Variants in SCRN1 observed in about 807,000 individuals in gnomAD.
SCRN1 encodes secernin 1.
Under a neutral mutation model 43.3 loss-of-function variants are expected in SCRN1, and 19 were observed. That is an observed-to-expected ratio of 0.44 (90% confidence interval 0.31 to 0.64). The LOEUF (loss-of-function observed/expected upper bound fraction) is 0.64. SCRN1 is among the 30% of genes least tolerant of loss of function. SCRN1 has a pLI of 0.09. For missense variants in SCRN1, 447 were observed against 524.1 expected (o/e 0.85, Z 1.44); for synonymous variants, 183 against 188.9 (o/e 0.97, Z 0.26).
At position 29,920,958 on chromosome 7, in the gene SCRN1, C is replaced by T. The variant is rs1289565472; in HGVS notation, c.*2999G>A. ...CCTCCATAATTTCGATTATATTCTA[C>T]CTAAAATTTCAAAGCACCTCCAAGA... On this transcript the variant is annotated 3_prime_UTR_variant, in exon 8 of 8. Coordinates refer to ENST00000242059, the MANE Select transcript of SCRN1 (RefSeq NM_014766.5). The T allele has an allele frequency of 6.6e-6, 1 of 152,516 alleles. No individual in the cohort carries two copies. The highest frequency in any genetic ancestry group is 1.5e-5 in the Non-Finnish European group (1 of 68,034). The allele number at this position is 152,516 out of a possible 1,614,324, so 9.4% of individuals were successfully genotyped here. A position where few individuals can be genotyped will look rare whatever the true frequency, so the allele number is the denominator to read the frequency against.
intron 1 of SCRN1, among the ~76,000 whole-genome samples, chr7:29,986,105 G>T (rs1024483622): frequency 6.6e-6 from 1 of 152,098 alleles, no homozygotes; most frequent in South Asian, 2.1e-4. Context: ...CTGTGGTGGC[G>T]CACGCCTGTA....
At chr7:29,947,304 T>C in intron 3 of SCRN1, 1 of 1,550,830 alleles carries the variant, frequency 6.4e-7, no homozygotes, top group Non-Finnish European at 8.7e-7. Flanking sequence ...TGCCCGTTCC[T>C]GAAAAGTTAA....
intron 2 of SCRN1, among the ~76,000 whole-genome samples, chr7:29,968,676 C>T (rs1423238801): frequency 6.6e-6 from 1 of 152,172 alleles, no homozygotes; most frequent in Non-Finnish European, 1.5e-5. Context: ...GATTTCAGAA[C>T]TATGTACATA....
chr7:29,984,365 T>TA (rs1454065574), intron 1 of SCRN1, among the ~76,000 whole-genome samples: 34 of 151,956 alleles, frequency 2.2e-4, no homozygotes, highest in Middle Eastern at 3.4e-3. Context: ...AGCAAAAACA[T>TA]AAACTCAATT....
intron 6 of SCRN1, among the ~76,000 whole-genome samples, chr7:29,935,454 C>A (rs1271878746): frequency 1.3e-5 from 2 of 152,190 alleles, no homozygotes; most frequent in African/African-American, 2.4e-5. Context: ...AACAAGCTGA[C>A]TTTCAGACAC....
chr7:29,971,922 C>T (rs571603740), intron 1 of SCRN1, among the ~76,000 whole-genome samples: 7 of 152,282 alleles, frequency 4.6e-5, no homozygotes, highest in Non-Finnish European at 5.9e-5. Flanking sequence ...AATGGAGGAG[C>T]CCCCACAATT....
intron 1 of SCRN1, among the ~76,000 whole-genome samples, chr7:29,976,082 TA>T (rs986318574): frequency 2.0e-5 from 3 of 152,112 alleles, no homozygotes; most frequent in Non-Finnish European, 4.4e-5. Flanking sequence ...TGGCAGAGTA[TA>T]AAAAAATATC....
At chr7:29,924,729 T>C (rs1404788610) in intron 7 of SCRN1, among the ~76,000 whole-genome samples, 3 of 151,646 alleles carry the variant, frequency 2.0e-5, no homozygotes, top group African/African-American at 7.3e-5. Context: ...AAAAAAAAAA[T>C]GGATCAATGA....
At chr7:29,932,224 C>T (rs1317612505) in intron 6 of SCRN1, among the ~76,000 whole-genome samples, 5 of 152,146 alleles carry the variant, frequency 3.3e-5, no homozygotes, top group Admixed American at 3.3e-4. Context: ...CTAGGGCCTT[C>T]GGCTCTGTCT....
At chr7:29,984,836 G>A (rs974478478) in intron 1 of SCRN1, among the ~76,000 whole-genome samples, 3 of 140,436 alleles carry the variant, frequency 2.1e-5, no homozygotes, top group African/African-American at 8.2e-5. Context: ...CAGGAGAATC[G>A]CTTGAACCTG....
At chr7:29,978,635 A>G (rs1043260538) in intron 1 of SCRN1, among the ~76,000 whole-genome samples, 4 of 152,168 alleles carry the variant, frequency 2.6e-5, no homozygotes, top group Non-Finnish European at 4.4e-5. Flanking sequence ...CATACACAAC[A>G]TCGCATGGTG....
At position 29,943,934 on chromosome 7, in the gene SCRN1, C is replaced by A. The variant is rs186552079; in HGVS notation, c.544+43G>T. 946 of 1,588,458 alleles carry A rather than the reference C, an allele frequency of 6.0e-4. 10 individuals are homozygous for A. The African/African-American group carries it at 0.011, about 19-fold the overall frequency. ...CGTGCAGGCCACCCCATCTCTGTGG[C>A]CTTCCCTGTCCTCAGAACTCTCCAT... is the stretch of plus-strand genomic sequence containing the variant. On this transcript the variant is annotated intron_variant, in intron 4 of 7. Coordinates refer to ENST00000242059, the MANE Select transcript of SCRN1 (RefSeq NM_014766.5).
rs375882501 is a variant in SCRN1 at position 29,929,745 on chromosome 7, T to C, written c.906-3113A>G. Among the ~76,000 whole-genome samples the C allele has an allele frequency of 1.3e-3, 195 of 152,380 alleles. 1 individual carries two copies. The highest frequency in any genetic ancestry group is 9.9e-3 in the South Asian group (48 of 4,832). Reference sequence around the variant, plus strand: ...GTGATCTCAACAGTCCCTTCTAGCTTCTACAACTCGTTTATTTCTATTTCT... The same window carrying C: ...GTGATCTCAACAGTCCCTTCTAGCTCCTACAACTCGTTTATTTCTATTTCT... On this transcript the variant is annotated intron_variant, in intron 6 of 7. Transcript: ENST00000242059.
At chr7:29,925,323 G>C (rs1786905651) in intron 7 of SCRN1, among the ~76,000 whole-genome samples, 1 of 152,148 alleles carries the variant, frequency 6.6e-6, no homozygotes, top group African/African-American at 2.4e-5. Context: ...AATTCATCTG[G>C]ATTTATTGCT....
intron 1 of SCRN1, among the ~76,000 whole-genome samples, chr7:29,986,190 C>A (rs373971765): frequency 6.6e-6 from 1 of 152,184 alleles, no homozygotes; most frequent in Non-Finnish European, 1.5e-5. Flanking sequence ...GAGCCGAGAT[C>A]GTGCCACTGC....
At chr7:29,958,543 C>G (rs1436557186) in intron 2 of SCRN1, among the ~76,000 whole-genome samples, 2 of 152,238 alleles carry the variant, frequency 1.3e-5, no homozygotes, top group Non-Finnish European at 1.5e-5. Flanking sequence ...CACCTGACAT[C>G]TTCTTTCAGT....
intron 2 of SCRN1, among the ~76,000 whole-genome samples, chr7:29,958,869 G>A (rs1476063054): frequency 2.0e-5 from 3 of 152,182 alleles, no homozygotes; most frequent in African/African-American, 7.2e-5. Context: ...TGTCAGCACT[G>A]CCCAGTGCTA....
rs1030611162 is a variant in SCRN1 at position 29,940,564 on chromosome 7, A to G, written c.739+118T>C. On this transcript the variant is annotated intron_variant, in intron 5 of 7. Transcript: ENST00000242059. ...ACTTTTAGCAGAAGTTGGTCTTTAC[A>G]TACAAGGACTATTCTGTATTCCTTT... is the stretch of plus-strand genomic sequence containing the variant. 117 of 924,058 alleles carry G rather than the reference A, an allele frequency of 1.3e-4. No individual in the cohort carries two copies. The African/African-American group carries it at 1.9e-3, about 15-fold the overall frequency. The allele number at this position is 924,058 out of a possible 1,614,324, so 57.2% of individuals were successfully genotyped here.
chr7:29,954,730 G>A (rs904413714), intron 3 of SCRN1, among the ~76,000 whole-genome samples: 2 of 152,200 alleles, frequency 1.3e-5, no homozygotes, highest in Non-Finnish European at 2.9e-5. Context: ...GCCTCAGCTG[G>A]AGTGCAATGA....
Sources: gnomAD v4.1 joint callset for allele counts (sites outside exome capture counted in the v4.1 genomes callset) on GRCh38, gnomAD v4.1.1 for gene constraint, MANE v1.5 for transcripts, NCBI Gene and HGNC (gene_info 2026-07-23, HGNC 2026-07-21) for gene names.